Variants in BRD4 observed in about 807,000 individuals in gnomAD.
The protein encoded by BRD4 is bromodomain-containing protein 4.
Under a neutral mutation model 142.1 loss-of-function variants are expected in BRD4, and 16 were observed. That is an observed-to-expected ratio of 0.11 (90% CI 0.08 to 0.17). The LOEUF (loss-of-function observed/expected upper bound fraction) is 0.17, where lower values mean the gene tolerates loss of function less well. BRD4 is among the 10% of genes least tolerant of loss of function. The pLI is 1.00. For missense variants in BRD4, 1,424 were observed against 1,810.9 expected, an observed-to-expected ratio of 0.79 and a Z score of 3.88; for synonymous variants, 833 against 707.5, an observed-to-expected ratio of 1.18 and a Z score of -2.82.
intron 1 of BRD4, among the ~76,000 whole-genome samples, chr19:15,306,226 C>T (rs1028218422): frequency 6.6e-6 from 1 of 152,222 alleles, no homozygotes; most frequent in Non-Finnish European, 1.5e-5. Flanking sequence ...ATCTGGCTAA[C>T]TCTCTGGCTT....
rs988933550 is a variant in BRD4 at position 15,238,146 on chromosome 19, C to T, written c.*231G>A. 2 of 600,416 alleles carry T rather than the reference C, an allele frequency of 3.3e-6. No individual in the cohort carries two copies. The highest frequency in any genetic ancestry group is 2.0e-5 in the South Asian group (1 of 50,210). The allele number at this position is 600,416 out of a possible 1,614,324, so 37.2% of individuals were successfully genotyped here. A position where few individuals can be genotyped will look rare whatever the true frequency, so the allele number is the denominator to read the frequency against. On this transcript the variant is annotated 3_prime_UTR_variant, in exon 20 of 20. Transcript: ENST00000679869. The surrounding 1 kb of genome is among the most constrained non-coding windows in gnomAD (Gnocchi z 7.2). The stretch of plus-strand genomic sequence containing the variant: ...TGCTCGTAACAAGGCGTGTGCTGAG[C>T]GGACGTCCTGTGAGGGGTGGTGGGT...
At chr19:15,318,459 T>A (rs933960290) in intron 1 of BRD4, among the ~76,000 whole-genome samples, 1 of 152,108 alleles carries the variant, frequency 6.6e-6, no homozygotes, top group African/African-American at 2.4e-5. Context: ...AGAAAGAGAG[T>A]GGCACTGTGT....
chr19:15,270,926 A>T (rs1316990226), intron 2 of BRD4, among the ~76,000 whole-genome samples: 1 of 152,132 alleles, frequency 6.6e-6, no homozygotes, highest in Non-Finnish European at 1.5e-5. Context: ...ACCATGGATC[A>T]GTCCCTTCTT....
chr19:15,327,616 G>A (rs1369214651), intron 1 of BRD4, among the ~76,000 whole-genome samples: 1 of 152,024 alleles, frequency 6.6e-6, no homozygotes, highest in Non-Finnish European at 1.5e-5. Flanking sequence ...GCCAAAAAGT[G>A]AAAACAACCC....
chr19:15,245,656 C>A (rs1011890339), intron 11 of BRD4, among the ~76,000 whole-genome samples: 1 of 152,178 alleles, frequency 6.6e-6, no homozygotes, highest in Non-Finnish European at 1.5e-5. Flanking sequence ...AGTTGGATGT[C>A]CCCTCACCAA....
Position 15,272,998 on chromosome 19 carries a change from T to TTGGGCC in BRD4, c.96_101dup (p.Ala33_Gln34dup), listed in dbSNP as rs1394114090. The stretch of plus-strand genomic sequence containing the variant: ...TGCTGGCTGCGTTGGCTGGCTGGGG[T>TTGGGCC]TGGGCCTGGGCCTGTGTTGTAGACA... On this transcript the variant is annotated inframe_insertion, in exon 2 of 20. Transcript: ENST00000679869. 13 of 1,613,992 alleles carry TTGGGCC rather than the reference T, an allele frequency of 8.1e-6. 1 individual carries two copies. In the Admixed American group the frequency reaches 2.0e-4, roughly 25 times the overall value.
At chr19:15,298,835 C>T (rs567118757) in intron 1 of BRD4, among the ~76,000 whole-genome samples, 3 of 152,176 alleles carry the variant, frequency 2.0e-5, no homozygotes, top group South Asian at 2.1e-4. Flanking sequence ...AATCCGACTC[C>T]GCCTAAGACC....
intron 11 of BRD4, 137 bp downstream of exon 11, chr19:15,254,015 A>T (rs1236898809): frequency 2.6e-6 from 2 of 758,092 alleles, no homozygotes; most frequent in Non-Finnish European, 4.4e-6. Flanking sequence ...GTTAACAAAG[A>T]GACAGACAGA....
chr19:15,253,736 GA>G, intron 11 of BRD4: 1 of 1,598,462 alleles, frequency 6.3e-7, no homozygotes, highest in Non-Finnish European at 8.5e-7. Flanking sequence ...ACGTGACTGT[GA>G]TACGGGGAAG....
At chr19:15,282,114 A>T (rs1321854675) in intron 1 of BRD4, among the ~76,000 whole-genome samples, 1 of 152,212 alleles carries the variant, frequency 6.6e-6, no homozygotes, top group Non-Finnish European at 1.5e-5. Flanking sequence ...AGGGCCAGAG[A>T]GCAAATATTG....
intron 11 of BRD4, among the ~76,000 whole-genome samples, chr19:15,249,872 C>T (rs1200695365): frequency 1.3e-5 from 2 of 152,058 alleles, no homozygotes; most frequent in Admixed American, 6.5e-5. Context: ...CCAGATCCCC[C>T]AAACAAAAAG....
intron 4 of BRD4, among the ~76,000 whole-genome samples, chr19:15,265,930 G>T (rs539707280): frequency 6.6e-6 from 1 of 152,270 alleles, no homozygotes; most frequent in African/African-American, 2.4e-5. Context: ...CAAGGAGCAG[G>T]AAGCACATGC....
chr19:15,253,788 G>A (rs1317815137), intron 11 of BRD4: 3 of 1,595,312 alleles, frequency 1.9e-6, no homozygotes, highest in Non-Finnish European at 1.7e-6. Flanking sequence ...AGAAAGCTGG[G>A]TGTGGTCACA....
chr19:15,308,908 G>A (rs2047941480), intron 1 of BRD4, among the ~76,000 whole-genome samples: 1 of 151,332 alleles, frequency 6.6e-6, no homozygotes, highest in Admixed American at 6.6e-5. Context: ...CCAGCTACTT[G>A]GGAGCCTGAG....
At chr19:15,309,760 A>G (rs2047950257) in intron 1 of BRD4, among the ~76,000 whole-genome samples, 2 of 152,186 alleles carry the variant, frequency 1.3e-5, no homozygotes, top group African/African-American at 4.8e-5. Flanking sequence ...TTTCCTTCTC[A>G]AGGAGCAAAC....
chr19:15,254,566 G>A (rs1599449150), intron 10 of BRD4, among the ~76,000 whole-genome samples: 2 of 152,314 alleles, frequency 1.3e-5, no homozygotes, highest in African/African-American at 4.8e-5. Flanking sequence ...ACAAGGTACC[G>A]CTGGGCATAA....
chr19:15,255,229 C>A, intron 10 of BRD4, 68 bp downstream of exon 10: 3 of 1,483,606 alleles, frequency 2.0e-6, no homozygotes, highest in Non-Finnish European at 2.7e-6. Flanking sequence ...GTGGACTGAG[C>A]AAGGAGGGAA....
At chr19:15,299,859 G>A (rs999929747) in intron 1 of BRD4, among the ~76,000 whole-genome samples, 3 of 152,184 alleles carry the variant, frequency 2.0e-5, no homozygotes, top group Non-Finnish European at 4.4e-5. Flanking sequence ...AGGTTCACGA[G>A]GAAAACACGA....
chr19:15,251,156 G>A (rs1437229644), intron 11 of BRD4, among the ~76,000 whole-genome samples: 2 of 151,894 alleles, frequency 1.3e-5, no homozygotes, highest in Admixed American at 6.6e-5. Context: ...ACCCACCCCC[G>A]CCATCCTCCT....
Sources: gnomAD v4.1 joint callset for allele counts (sites outside exome capture counted in the v4.1 genomes callset) on GRCh38, gnomAD v4.1.1 for gene constraint, Gnocchi (gnomAD v3.1) non-coding constraint, MANE v1.5 for transcripts, NCBI Gene and HGNC (gene_info 2026-07-23, HGNC 2026-07-21) for gene names.